The following BRCA2 variants were observed in gnomAD, a reference collection of about 807,000 sequenced individuals.
The protein encoded by BRCA2 is breast cancer type 2 susceptibility protein.
BRCA2 carries 203 observed loss-of-function variants against 276.7 expected under a neutral mutation model. That is an observed-to-expected ratio of 0.73 (90% CI 0.65 to 0.82). BRCA2 has a LOEUF of 0.82. Ranked by LOEUF, BRCA2 falls within the 40% of genes least tolerant of loss-of-function variation. BRCA2 has a pLI of 0.00. For synonymous variants in BRCA2, 1,289 were observed against 1,338.4 expected (o/e 0.96, Z 0.81); for missense variants, 3,920 against 3,915.0 (o/e 1.00, Z -0.03).
intron 18 of BRCA2, among the ~76,000 whole-genome samples, chr13:32,365,666 C>T (rs1481235535): frequency 6.6e-6 from 1 of 151,512 alleles, no homozygotes; most frequent in Non-Finnish European, 1.5e-5. Context: ...GCATGAGCCA[C>T]CACGCCCAGC....
At chr13:32,351,269 G>A (rs368869651) in intron 13 of BRCA2, among the ~76,000 whole-genome samples, 2 of 150,818 alleles carry the variant, frequency 1.3e-5, no homozygotes, top group South Asian at 2.1e-4. Flanking sequence ...GCAAGACCAC[G>A]AACCCACCAG....
In BRCA2 at chr13:32,326,393, C is replaced by T. The variant is rs527717043; in HGVS notation, c.517-106C>T. On this transcript the variant is annotated intron_variant, in intron 6 of 26. Coordinates refer to ENST00000380152, the MANE Select transcript of BRCA2 (RefSeq NM_000059.4). The stretch of plus-strand genomic sequence containing the variant: ...TCTGTACCTAGCATTCTGCCTCATA[C>T]AGGCAATTCAGTAAACGTTAAGTGA... 5 of 1,427,054 alleles carry T rather than the reference C, an allele frequency of 3.5e-6. No individual in the cohort carries two copies. The African/African-American group carries it at 5.6e-5, about 16-fold the overall frequency. The allele number at this position is 1,427,054 out of a possible 1,614,324, so 88.4% of individuals were successfully genotyped here.
chr13:32,351,247 C>T (rs1014930312), intron 13 of BRCA2, among the ~76,000 whole-genome samples: 1 of 152,162 alleles, frequency 6.6e-6, no homozygotes, highest in Non-Finnish European at 1.5e-5. Context: ...TGCGGCTTCA[C>T]TCCTGAAGTC....
chr13:32,376,568 T>C (rs2137611818), intron 20 of BRCA2, 102 bp from the exon 21 acceptor site: 6 of 1,308,348 alleles, frequency 4.6e-6, no homozygotes, highest in East Asian at 2.4e-5. Flanking sequence ...TAGTTTCTTA[T>C]CTTTAAATCT....
At chr13:32,323,448 C>T (rs138764737) in intron 3 of BRCA2, among the ~76,000 whole-genome samples, 23 of 152,202 alleles carry the variant, frequency 1.5e-4, no homozygotes, top group East Asian at 5.8e-4. Flanking sequence ...CCATCATGCC[C>T]GGCCTGTTTT....
intron 24 of BRCA2, among the ~76,000 whole-genome samples, chr13:32,382,442 A>G (rs919437410): frequency 3.9e-5 from 6 of 152,244 alleles, no homozygotes; most frequent in Non-Finnish European, 8.8e-5. Context: ...GGAATACTGG[A>G]GTGAGGTATG....
chr13:32,332,315 C>G lies in BRCA2; in HGVS notation c.837C>G (p.Cys279Trp), dbSNP rs587781421. The G allele has an allele frequency of 1.2e-6, 2 of 1,604,626 alleles. No homozygotes were observed. The highest frequency in any genetic ancestry group is 1.7e-6 in the Non-Finnish European group (2 of 1,176,256). Reference protein sequence around the residue: ...TSGNSFKVNSCKDHIGKSMPN... With the variant: ...TSGNSFKVNSWKDHIGKSMPN... ...GGAATTCATTTAAAGTAAATAGCTG[C>G]AAAGACCACATTGGAAAGTCAATGC... The change falls in exon 10 of 27, where the codon TGC (cysteine) becomes TGG (tryptophan). Residue 279 changes from cysteine (C) to tryptophan (W), a missense_variant. Cys to Trp is a radical substitution (Grantham distance 215). Coordinates refer to ENST00000380152, the MANE Select transcript of BRCA2 (RefSeq NM_000059.4).
chr13:32,351,796 T>TTTAG (rs1002285265), intron 13 of BRCA2, among the ~76,000 whole-genome samples: 1 of 151,714 alleles, frequency 6.6e-6, no homozygotes, highest in African/African-American at 2.4e-5. Flanking sequence ...TTTATTTTAT[T>TTTAG]TTATTTATTT....
intron 20 of BRCA2, among the ~76,000 whole-genome samples, chr13:32,374,635 C>T (rs1409635463): frequency 6.6e-6 from 1 of 152,186 alleles, no homozygotes; most frequent in Admixed American, 6.5e-5. Flanking sequence ...GCTCCAGTTC[C>T]CAATAAGATC....
chr13:32,397,115 C>T lies in BRCA2; in HGVS notation c.9648+71C>T, dbSNP rs1201688078. The T allele has an allele frequency of 4.1e-6, 6 of 1,480,024 alleles. No homozygotes were observed. The African/African-American group carries it at 4.2e-5, about 10-fold the overall frequency. 91.7% of individuals were successfully genotyped at this position (1,480,024 alleles called of 1,614,324 possible). ...AGGCCATCGTATATTCTGTTGTATA[C>T]CTAGTAAACATGGTAAAATGTAATT... On this transcript the variant is annotated intron_variant, in intron 26 of 26. Coordinates refer to ENST00000380152, the MANE Select transcript of BRCA2 (RefSeq NM_000059.4).
At chr13:32,330,412 A>G (rs1315824356) in intron 8 of BRCA2, among the ~76,000 whole-genome samples, 1 of 152,208 alleles carries the variant, frequency 6.6e-6, no homozygotes, top group Non-Finnish European at 1.5e-5. Flanking sequence ...TGTTTCAATT[A>G]AAGGAAGCAC....
chr13:32,394,313 CTATCTTCAGAGAGGAGTACAAGAAA>C, intron 24 of BRCA2, among the ~76,000 whole-genome samples: 1 of 152,260 alleles, frequency 6.6e-6, no homozygotes, highest in Middle Eastern at 3.4e-3. Context: ...TATTAGAGGT[CTATCTTCAGAGAGGAGTACAAGAAA>C]TGGGATTACT....
At position 32,337,726 on chromosome 13, in the gene BRCA2, A is replaced by C; in HGVS notation, c.3371A>C (p.Gln1124Pro). 6.2e-7 allele frequency: 1 copy of C among 1,613,400 alleles called. No individual in the cohort carries two copies. Among genetic ancestry groups the C allele is most frequent in the Non-Finnish European group, 8.5e-7 (1 of 1,179,688 alleles). The change falls in exon 11 of 27, where the codon CAG becomes CCG. Residue 1124 changes from glutamine to proline, a missense_variant. Gln to Pro is a moderately conservative substitution (Grantham distance 76). Transcript: ENST00000380152. ...LSTILEESGSQFEFTQFRKPS... is the reference protein window; with the variant it reads ...LSTILEESGSPFEFTQFRKPS... ...ACTATATTAGAAGAATCAGGAAGTC[A>C]GTTTGAATTTACTCAGTTTAGAAAA...
At position 32,340,291 on chromosome 13, in the gene BRCA2, G is replaced by A. The variant is rs1593906980; in HGVS notation, c.5936G>A (p.Ser1979Asn). 6.2e-7 allele frequency: 1 copy of A among 1,613,952 alleles called. No individual in the cohort carries two copies. Among genetic ancestry groups the A allele is most frequent in the Non-Finnish European group, 8.5e-7 (1 of 1,179,890 alleles). The change falls in exon 11 of 27, where the codon AGC (serine) becomes AAC (asparagine). Residue 1979 changes from serine (S) to asparagine (N), a missense_variant. Physicochemically the swap from Ser to Asn is conservative, Grantham distance 46 (BLOSUM62 1). Transcript: ENST00000380152. Reference protein sequence around the residue: ...VSSANTCGIFSTASGKSVQVS... With the variant: ...VSSANTCGIFNTASGKSVQVS... Reference sequence around the variant, plus strand: ...TCTGCAAATACTTGTGGGATTTTTAGCACAGCAAGTGGAAAATCTGTCCAG... The same window carrying A: ...TCTGCAAATACTTGTGGGATTTTTAACACAGCAAGTGGAAAATCTGTCCAG...
In BRCA2 at chr13:32,363,366, A is replaced by G. The variant is rs1555287019; in HGVS notation, c.8164A>G (p.Thr2722Ala). 1 of 1,614,208 alleles carries G rather than the reference A, an allele frequency of 6.2e-7. No individual in the cohort carries two copies. Among genetic ancestry groups the G allele is most frequent in the Non-Finnish European group, 8.5e-7 (1 of 1,180,030 alleles). Residue 2722 changes from threonine to alanine, a missense_variant, in exon 18 of 27, where the codon ACA becomes GCA. Physicochemically the swap from Thr to Ala is moderately conservative, Grantham distance 58. Around this residue, in one of 2 missense-constraint regions of BRCA2, gnomAD observed 3,263 missense variants for 3,156.9 expected, o/e 1.03. Transcript: ENST00000380152. ...DTQKVAIIEL[T>A]DGWYAVKAQL... The stretch of plus-strand genomic sequence containing the variant: ...CCAAAAAGTGGCCATTATTGAACTT[A>G]CAGATGGGTGGTATGCTGTTAAGGC...
intron 3 of BRCA2, 27 bp downstream of exon 3, chr13:32,319,352 G>C (rs2138706097): frequency 6.3e-7 from 1 of 1,591,222 alleles, no homozygotes; most frequent in Non-Finnish European, 8.6e-7. Context: ...GGTAGACTGG[G>C]GAGAACTACA....
chr13:32,354,546 G>A (rs2072673706), intron 13 of BRCA2, among the ~76,000 whole-genome samples: 1 of 152,154 alleles, frequency 6.6e-6, no homozygotes, highest in Non-Finnish European at 1.5e-5. Context: ...AGATGTGAAG[G>A]TGAGAGAAGA....
rs746963311 is a variant in BRCA2, at chr13:32,326,154, T to C, written c.475+4T>C. 6.2e-7 allele frequency: 1 copy of C among 1,609,056 alleles called. No homozygotes were observed. The highest frequency in any genetic ancestry group is 1.1e-5 in the South Asian group (1 of 90,890). On this transcript the variant is annotated splice_donor_region_variant and intron_variant, in intron 5 of 26. Transcript: ENST00000380152. The stretch of plus-strand genomic sequence containing the variant: ...ACACCACAAAGAGATAAGTCAGGTA[T>C]GATTAAAAACAATGCTTTTTATTCT...
intron 25 of BRCA2, chr13:32,395,885 G>A (rs375007133): frequency 5.3e-6 from 1 of 187,304 alleles, no homozygotes; most frequent in South Asian, 7.7e-5. Context: ...TTAGGGGTGG[G>A]AGTTGTATTC....
Sources: allele counts gnomAD v4.1 joint callset (sites outside exome capture counted in the v4.1 genomes callset), GRCh38; gene constraint gnomAD v4.1.1; regional missense constraint gnomAD v4.1.1; transcripts MANE v1.5; gene names NCBI Gene and HGNC (gene_info 2026-07-23, HGNC 2026-07-21).